ANKRD11: variants seen among roughly 807,000 people sequenced by gnomAD.
The protein encoded by ANKRD11 is ankyrin repeat domain-containing protein 11.
A neutral mutation model predicts 195.7 loss-of-function variants in ANKRD11; 17 were observed. The ratio of observed to expected loss-of-function variants is 0.09; its 90% CI spans 0.06 to 0.13. The LOEUF is 0.13. Among genes scored for constraint, ANKRD11 ranks in the 10% least tolerant of loss-of-function variants. The pLI is 1.00. For synonymous variants in ANKRD11, 1,953 were observed against 1,528.1 expected, an observed-to-expected ratio of 1.28 and a Z score of -6.49; for missense variants, 3,735 against 3,566.1, an observed-to-expected ratio of 1.05 and a Z score of -1.21.
intron 2 of ANKRD11, among the ~76,000 whole-genome samples, chr16:89,340,461 G>T (rs1054711921): frequency 1.2e-4 from 19 of 152,194 alleles, no homozygotes; most frequent in African/African-American, 4.6e-4. Flanking sequence ...TTTTAGTAGA[G>T]ATGGGGTTTC....
At chr16:89,385,141 G>A (rs895839577) in intron 2 of ANKRD11, among the ~76,000 whole-genome samples, 1 of 151,560 alleles carries the variant, frequency 6.6e-6, no homozygotes, top group African/African-American at 2.4e-5. Flanking sequence ...CTCCCAAAGT[G>A]CTGGGATTAC....
chr16:89,365,869 A>C (rs1162004271), intron 2 of ANKRD11, among the ~76,000 whole-genome samples: 1 of 151,172 alleles, frequency 6.6e-6, no homozygotes, highest in African/African-American at 2.4e-5. Context: ...TCCACCCCCA[A>C]CCCTCAAGCA....
intron 3 of ANKRD11, among the ~76,000 whole-genome samples, chr16:89,312,353 A>C (rs762009390): frequency 6.6e-6 from 1 of 152,116 alleles, no homozygotes; most frequent in Non-Finnish European, 1.5e-5. Context: ...GGAGGAGATG[A>C]GGACAGTGTG....
chr16:89,327,748 C>G (rs2037812221), intron 2 of ANKRD11, among the ~76,000 whole-genome samples: 1 of 152,044 alleles, frequency 6.6e-6, no homozygotes, highest in African/African-American at 2.4e-5. Flanking sequence ...AAAATAAATG[C>G]TTAGGTTCAT....
chr16:89,317,534 C>T (rs1285683131), intron 2 of ANKRD11, among the ~76,000 whole-genome samples: 2 of 152,174 alleles, frequency 1.3e-5, no homozygotes, highest in Non-Finnish European at 2.9e-5. Flanking sequence ...CCCAGCCTCA[C>T]GCCCCACTCA....
At chr16:89,435,422 C>T (rs956956625) in intron 1 of ANKRD11, among the ~76,000 whole-genome samples, 1 of 152,164 alleles carries the variant, frequency 6.6e-6, no homozygotes, top group African/African-American at 2.4e-5. Flanking sequence ...TCACTCTTCA[C>T]AATAAATCTT....
At chr16:89,361,078 T>C (rs1471628738) in intron 2 of ANKRD11, among the ~76,000 whole-genome samples, 1 of 152,172 alleles carries the variant, frequency 6.6e-6, no homozygotes, top group Non-Finnish European at 1.5e-5. Context: ...CCTGCTGCAA[T>C]GGCACCTCCT....
intron 2 of ANKRD11, among the ~76,000 whole-genome samples, chr16:89,413,343 G>A (rs2042170345): frequency 6.6e-6 from 1 of 152,098 alleles, no homozygotes; most frequent in Non-Finnish European, 1.5e-5. Context: ...AAATGGAAGT[G>A]GACTGGGCGC....
At chr16:89,483,961 A>G (rs1443838315) in intron 1 of ANKRD11, among the ~76,000 whole-genome samples, 1 of 152,258 alleles carries the variant, frequency 6.6e-6, no homozygotes, top group Admixed American at 6.5e-5. Flanking sequence ...AGCCAAACAT[A>G]CAATTATAGT....
At chr16:89,289,285 T>TA (rs2034868967) in intron 6 of ANKRD11, among the ~76,000 whole-genome samples, 1 of 151,390 alleles carries the variant, frequency 6.6e-6, no homozygotes, top group African/African-American at 2.4e-5. Context: ...GAAAAATGCT[T>TA]TAAAAAAAAA....
intron 12 of ANKRD11, chr16:89,269,829 C>G (rs1471752231): frequency 1.3e-5 from 2 of 152,298 alleles, no homozygotes; most frequent in Non-Finnish European, 2.9e-5. Context: ...CTCCTGACCT[C>G]AGGTGAACCA....
chr16:89,413,818 C>T (rs1597332057), intron 2 of ANKRD11, among the ~76,000 whole-genome samples: 2 of 152,116 alleles, frequency 1.3e-5, no homozygotes, highest in East Asian at 3.9e-4. Context: ...CCACAACGCC[C>T]TAGGATGCAG....
intron 1 of ANKRD11, among the ~76,000 whole-genome samples, chr16:89,462,909 C>T (rs951466145): frequency 3.0e-4 from 46 of 151,442 alleles, no homozygotes; most frequent in African/African-American, 1.0e-3. Context: ...AGGGGGTCAG[C>T]CCCCCGCCCA....
intron 3 of ANKRD11, among the ~76,000 whole-genome samples, chr16:89,314,572 G>A (rs1477612359): frequency 6.6e-6 from 1 of 152,132 alleles, no homozygotes; most frequent in Non-Finnish European, 1.5e-5. Flanking sequence ...TGCCGAGACT[G>A]CCTTCCCTGC....
intron 2 of ANKRD11, among the ~76,000 whole-genome samples, chr16:89,399,344 C>G (rs962505370): frequency 6.6e-6 from 1 of 152,166 alleles, no homozygotes; most frequent in Non-Finnish European, 1.5e-5. Context: ...CAGAATATTA[C>G]CAGGCCCTGA....
Position 89,285,252 on chromosome 16 carries a change from T to C in ANKRD11, c.1290A>G (p.Ala430=), listed in dbSNP as rs766661580. ...TCTTACTACCAGGCAATATCGTATG[T>C]GCCGAGAGTCTCAGCTTCTCTCCTG... ...VGTGEKLRLS[A]HTILPGSKTR... Residue 430 remains alanine (A), a synonymous_variant, in exon 9 of 13, where the codon GCA becomes GCG. Transcript: ENST00000301030. The surrounding 1 kb of genome is among the most constrained non-coding windows in gnomAD (Gnocchi z 5.6). 6.2e-7 allele frequency: 1 copy of C among 1,613,752 alleles called. No homozygotes were observed. Among genetic ancestry groups the C allele is most frequent in the Admixed American group, 1.7e-5 (1 of 60,018 alleles).
intron 1 of ANKRD11, among the ~76,000 whole-genome samples, chr16:89,458,115 G>A (rs2152327696): frequency 6.6e-6 from 1 of 152,082 alleles, no homozygotes; most frequent in African/African-American, 2.4e-5. Context: ...AAAAAAAAAA[G>A]CTTTCTGAAA....
At chr16:89,286,300 C>G (rs2034640564) in intron 7 of ANKRD11, 114 bp from the exon 8 acceptor site, 2 of 1,451,542 alleles carry the variant, frequency 1.4e-6, no homozygotes, top group East Asian at 2.3e-5. Context: ...CGAGAGCAGC[C>G]CCTCACGGTC....
intron 3 of ANKRD11, among the ~76,000 whole-genome samples, chr16:89,312,028 G>A (rs1247925371): frequency 1.3e-5 from 2 of 152,188 alleles, no homozygotes; most frequent in African/African-American, 4.8e-5. Context: ...CTCCTGAGTA[G>A]CTGGGATTAC....
Sources: gnomAD v4.1 joint callset for allele counts (sites outside exome capture counted in the v4.1 genomes callset) on GRCh38, gnomAD v4.1.1 for gene constraint, Gnocchi (gnomAD v3.1) non-coding constraint, MANE v1.5 for transcripts, NCBI Gene and HGNC (gene_info 2026-07-23, HGNC 2026-07-21) for gene names.